Variants in TMC5 observed in about 807,000 individuals in gnomAD.
TMC5 encodes the protein transmembrane channel-like protein 5.
A neutral mutation model predicts 110.5 loss-of-function variants in TMC5; 86 were observed. The observed-to-expected ratio is 0.78, with a 90% CI of 0.65 to 0.93. TMC5 has a LOEUF of 0.93. Ranked by LOEUF, TMC5 falls within the 40% of genes least tolerant of loss-of-function variation. The pLI is 0.00. For synonymous variants in TMC5, 455 were observed against 439.5 expected (o/e 1.04, Z -0.44); for missense variants, 1,144 against 1,222.8 (o/e 0.94, Z 0.96).
chr16:19,490,349 C>G, intron 17 of TMC5, 46 bp from the exon 18 acceptor site: 1 of 1,594,196 alleles, frequency 6.3e-7, no homozygotes, highest in Non-Finnish European at 8.6e-7. Context: ...GAATAACCAT[C>G]CCTGAGTCTT....
chr16:19,421,803 G>A (rs1441230993), intron 1 of TMC5, among the ~76,000 whole-genome samples: 1 of 152,212 alleles, frequency 6.6e-6, no homozygotes, highest in African/African-American at 2.4e-5. Context: ...AAGAAAATTT[G>A]AGCCAGGTGT....
intron 14 of TMC5, 73 bp from the exon 15 acceptor site, chr16:19,481,297 T>C: frequency 1.9e-6 from 2 of 1,079,498 alleles, no homozygotes; most frequent in South Asian, 1.3e-5. Flanking sequence ...TTTTGTTGAT[T>C]GTCCTAGTCT....
At chr16:19,451,885 G>A (rs1406169491) in intron 5 of TMC5, among the ~76,000 whole-genome samples, 3 of 152,104 alleles carry the variant, frequency 2.0e-5, no homozygotes, top group African/African-American at 4.8e-5. Context: ...TGCAACATCC[G>A]CCTCCCAGGT....
At chr16:19,490,926 TC>T (rs1968883806) in intron 18 of TMC5, among the ~76,000 whole-genome samples, 1 of 97,442 alleles carries the variant, frequency 1.0e-5, no homozygotes, top group Admixed American at 1.1e-4. Flanking sequence ...CCCTTCTTTC[TC>T]CCTTCCCCTC....
intron 1 of TMC5, among the ~76,000 whole-genome samples, chr16:19,428,130 G>T (rs1967124129): frequency 6.6e-6 from 1 of 152,206 alleles, no homozygotes; most frequent in Non-Finnish European, 1.5e-5. Context: ...CGTGGTAAAA[G>T]AGGAGGAATC....
chr16:19,491,533 ATTT>A (rs71275925), intron 18 of TMC5, among the ~76,000 whole-genome samples: 5 of 117,820 alleles, frequency 4.2e-5, no homozygotes, highest in Admixed American at 9.2e-5. Flanking sequence ...TGTCTTAGGG[ATTT>A]TTTTTTTTTT....
intron 2 of TMC5, among the ~76,000 whole-genome samples, chr16:19,434,401 T>C (rs28480160): frequency 7.6e-6 from 1 of 130,752 alleles, no homozygotes; most frequent in Non-Finnish European, 1.6e-5. Flanking sequence ...ATATAATATA[T>C]ATATCATATA....
intron 19 of TMC5, 43 bp downstream of exon 19, chr16:19,492,271 T>C (rs776935697): frequency 2.1e-6 from 3 of 1,434,878 alleles, no homozygotes; most frequent in Non-Finnish European, 2.9e-6. Context: ...CTCACCCTTT[T>C]TAAACGCTGT....
At chr16:19,426,099 A>AT (rs147887634) in intron 1 of TMC5, among the ~76,000 whole-genome samples, 7,701 of 152,238 alleles carry the variant, frequency 0.051, 287 homozygotes, top group African/African-American at 0.11. Flanking sequence ...ATTGATTTCT[A>AT]TTTGTGTTTT....
Position 19,440,683 on chromosome 16 carries a change from C to T in TMC5, c.645C>T (p.Asn215=). The T allele has an allele frequency of 6.2e-7, 1 of 1,614,232 alleles. No individual in the cohort carries two copies. Among genetic ancestry groups the T allele is most frequent in the Non-Finnish European group, 8.5e-7 (1 of 1,180,046 alleles). The change falls in exon 3 of 22, where the codon AAC becomes AAT. Residue 215 remains asparagine, a synonymous_variant. Coordinates refer to ENST00000542583, the MANE Select transcript of TMC5 (RefSeq NM_001261841.2). ...ATCCAGGCGCTGACATTCAACCTAACTCTCCACCCTTTTTTGGGGAGCCAG... is the reference window on the plus strand; with the variant it reads ...ATCCAGGCGCTGACATTCAACCTAATTCTCCACCCTTTTTTGGGGAGCCAG... ...PDYPGADIQP[N]SPPFFGEPDY... is the part of the protein sequence containing the mutation.
chr16:19,434,394 TA>T lies in TMC5; in HGVS notation c.-80+3756del, dbSNP rs1416338021. The stretch of plus-strand genomic sequence containing the variant: ...TATAGATCTATATATAATATAGATA[TA>T]ATATATATATCATATATATCTATAT... On this transcript the variant is annotated intron_variant, in intron 2 of 21. Coordinates refer to ENST00000542583, the MANE Select transcript of TMC5 (RefSeq NM_001261841.2). Among the ~76,000 whole-genome samples the T allele has an allele frequency of 1.5e-3, 9 of 6,154 alleles. 1 individual carries two copies. Among genetic ancestry groups the T allele is most frequent in the African/African-American group, 3.1e-3 (5 of 1,598 alleles). 4.0% of individuals were successfully genotyped at this position (6,154 alleles called of 152,430 possible). A position where few individuals can be genotyped will look rare whatever the true frequency, so the allele number is the denominator to read the frequency against.
Position 19,440,138 on chromosome 16 carries a change from G to A in TMC5, c.100G>A (p.Gly34Ser). Residue 34 changes from glycine to serine, a missense_variant, in exon 3 of 22, where the codon GGT (glycine) becomes AGT (serine). Gly to Ser is a moderately conservative substitution (Grantham distance 56). Coordinates refer to ENST00000542583, the MANE Select transcript of TMC5 (RefSeq NM_001261841.2). ...NRTQGYLKTQ[G>S]YPDVPGPLNN... ...TACGCAGGGGTATTTGAAAACTCAAGGTTATCCAGATGTTCCAGGTCCTCT... is the reference window on the plus strand; with the variant it reads ...TACGCAGGGGTATTTGAAAACTCAAAGTTATCCAGATGTTCCAGGTCCTCT... 1 of 1,614,048 alleles carries A rather than the reference G, an allele frequency of 6.2e-7. No individual in the cohort carries two copies. The highest frequency in any genetic ancestry group is 8.5e-7 in the Non-Finnish European group (1 of 1,180,018).
At chr16:19,474,305 C>A in intron 12 of TMC5, 29 bp downstream of exon 12, 1 of 1,604,542 alleles carries the variant, frequency 6.2e-7, no homozygotes, top group Non-Finnish European at 8.5e-7. Context: ...CCAACACCAG[C>A]CTCTATTTCC....
At chr16:19,461,565 C>T (rs1968023360) in intron 6 of TMC5, among the ~76,000 whole-genome samples, 1 of 151,010 alleles carries the variant, frequency 6.6e-6, no homozygotes, top group South Asian at 2.1e-4. Context: ...CAGAGCAAGA[C>T]TCTGTATCGG....
intron 4 of TMC5, among the ~76,000 whole-genome samples, chr16:19,447,930 G>A (rs1967650159): frequency 6.6e-6 from 1 of 151,982 alleles, no homozygotes; most frequent in South Asian, 2.1e-4. Flanking sequence ...GCACAACTAG[G>A]AAGTAACAGG....
intron 6 of TMC5, among the ~76,000 whole-genome samples, chr16:19,460,894 G>A (rs1020696430): frequency 6.6e-6 from 1 of 152,152 alleles, no homozygotes; most frequent in Admixed American, 6.5e-5. Flanking sequence ...GGTGGCTCAC[G>A]CCTGTAATCC....
rs1968865391 is a variant in TMC5 at position 19,490,709 on chromosome 16, T to TC, written c.2747+142dup. The TC allele has an allele frequency of 1.5e-5, 10 of 671,784 alleles. No homozygotes were observed. The East Asian group carries it at 2.6e-4, about 18-fold the overall frequency. 41.6% of individuals were successfully genotyped at this position (671,784 alleles called of 1,614,324 possible). The stretch of plus-strand genomic sequence containing the variant: ...GACTCTACCCTTGCATAGGTAGTTT[T>TC]CTTTCCTTCCTTCCTTCCTTCCTTC... On this transcript the variant is annotated intron_variant, in intron 18 of 21. Transcript: ENST00000542583.
Position 19,497,906 on chromosome 16 carries a change from T to A in TMC5, c.2975-14T>A. ...TGTGCCTGCGTTAACTTCTCTTTCC[T>A]GTGTCAAACCTAGACTTGCGATCTA... On this transcript the variant is annotated splice_polypyrimidine_tract_variant and intron_variant, in intron 21 of 21. Transcript: ENST00000542583. 1 of 1,613,552 alleles carries A rather than the reference T, an allele frequency of 6.2e-7. No individual in the cohort carries two copies.
At chr16:19,433,776 C>T (rs773864760) in intron 2 of TMC5, among the ~76,000 whole-genome samples, 6 of 151,560 alleles carry the variant, frequency 4.0e-5, no homozygotes, top group Non-Finnish European at 7.4e-5. Context: ...GGGAATTTTG[C>T]AGGATTGCTC....
Sources: allele counts gnomAD v4.1 joint callset (sites outside exome capture counted in the v4.1 genomes callset), GRCh38; gene constraint gnomAD v4.1.1; transcripts MANE v1.5; gene names NCBI Gene and HGNC (gene_info 2026-07-23, HGNC 2026-07-21).